DPYD: variants seen among roughly 807,000 people sequenced by gnomAD.
DPYD encodes the protein dihydropyrimidine dehydrogenase.
A neutral mutation model predicts 116.2 loss-of-function variants in DPYD; 109 were observed. The ratio of observed to expected loss-of-function variants is 0.94; its 90% CI spans 0.80 to 1.10. DPYD has a LOEUF of 1.10. Ranked by LOEUF, DPYD falls within the 50% of genes least tolerant of loss-of-function variation. The pLI is 0.00. For missense variants in DPYD, 1,302 were observed against 1,254.5 expected (o/e 1.04, Z -0.57); for synonymous variants, 440 against 432.0 (o/e 1.02, Z -0.23).
At chr1:97,689,740 C>T (rs1345571151) in intron 7 of DPYD, among the ~76,000 whole-genome samples, 4 of 151,962 alleles carry the variant, frequency 2.6e-5, no homozygotes, top group Admixed American at 6.6e-5. Context: ...TGAGCACAGA[C>T]CACTTTGTCA....
intron 8 of DPYD, among the ~76,000 whole-genome samples, chr1:97,635,666 G>A (rs554470472): frequency 6.6e-6 from 1 of 152,224 alleles, no homozygotes; most frequent in South Asian, 2.1e-4. Context: ...TGTCTATATT[G>A]TACATGTAGA....
chr1:97,509,925 A>G (rs1291027735), intron 13 of DPYD, among the ~76,000 whole-genome samples: 1 of 151,976 alleles, frequency 6.6e-6, no homozygotes, highest in Non-Finnish European at 1.5e-5. Flanking sequence ...TTAGTCCTTA[A>G]TAGATTCAAA....
At chr1:97,389,048 A>C (rs1346536248) in intron 14 of DPYD, among the ~76,000 whole-genome samples, 1 of 152,138 alleles carries the variant, frequency 6.6e-6, no homozygotes, top group Non-Finnish European at 1.5e-5. Flanking sequence ...CTTGGTGTCT[A>C]CATTTTCTTT....
intron 18 of DPYD, among the ~76,000 whole-genome samples, chr1:97,247,608 A>G (rs1430967390): frequency 6.6e-6 from 1 of 152,228 alleles, no homozygotes; most frequent in Non-Finnish European, 1.5e-5. Context: ...AAATAGAATA[A>G]AATAGAATAA....
At chr1:97,786,744 GTTAAC>G (rs1221652829) in intron 3 of DPYD, among the ~76,000 whole-genome samples, 1 of 152,208 alleles carries the variant, frequency 6.6e-6, no homozygotes, top group African/African-American at 2.4e-5. Flanking sequence ...AAGGCAATGA[GTTAAC>G]TTATGTTATC....
At chr1:97,792,331 T>A (rs1667363396) in intron 3 of DPYD, among the ~76,000 whole-genome samples, 1 of 151,988 alleles carries the variant, frequency 6.6e-6, no homozygotes, top group Non-Finnish European at 1.5e-5. Flanking sequence ...TGGAGTGCAG[T>A]GGTGCAAGCT....
At chr1:97,581,190 G>T (rs1381232187) in intron 10 of DPYD, among the ~76,000 whole-genome samples, 1 of 151,586 alleles carries the variant, frequency 6.6e-6, no homozygotes, top group Non-Finnish European at 1.5e-5. Flanking sequence ...TAGCTGGGGT[G>T]GTGGCGGGCG....
intron 18 of DPYD, among the ~76,000 whole-genome samples, chr1:97,260,109 T>G (rs1183853573): frequency 6.6e-6 from 1 of 152,136 alleles, no homozygotes; most frequent in South Asian, 2.1e-4. Context: ...TCTTCTGAAG[T>G]TGGCAACATG....
intron 14 of DPYD, among the ~76,000 whole-genome samples, chr1:97,449,744 C>G (rs1676298877): frequency 1.3e-5 from 2 of 152,240 alleles, no homozygotes; most frequent in Admixed American, 1.3e-4. Flanking sequence ...AGGTCATCAC[C>G]TTCATAAATA....
At chr1:97,203,912 T>C (rs141671567) in intron 19 of DPYD, among the ~76,000 whole-genome samples, 3 of 151,778 alleles carry the variant, frequency 2.0e-5, no homozygotes, top group Non-Finnish European at 2.9e-5. Context: ...AATTCAGTAG[T>C]TGGTGTGATA....
intron 14 of DPYD, among the ~76,000 whole-genome samples, chr1:97,449,789 T>A (rs1480368743): frequency 6.6e-6 from 1 of 152,222 alleles, no homozygotes; most frequent in African/African-American, 2.4e-5. Flanking sequence ...CTCAATAAAA[T>A]GAGTATTTCA....
intron 11 of DPYD, among the ~76,000 whole-genome samples, chr1:97,555,023 T>G (rs1438957558): frequency 1.3e-5 from 2 of 152,188 alleles, no homozygotes; most frequent in African/African-American, 4.8e-5. Context: ...GGTCATATAC[T>G]TGGACTGCTT....
At chr1:97,149,031 T>A (rs578248001) in intron 20 of DPYD, among the ~76,000 whole-genome samples, 2 of 152,214 alleles carry the variant, frequency 1.3e-5, no homozygotes, top group Non-Finnish European at 2.9e-5. Context: ...GGAATTAATC[T>A]CTATTGTACA....
chr1:97,469,680 A>G (rs760760961), intron 13 of DPYD, among the ~76,000 whole-genome samples: 2 of 152,202 alleles, frequency 1.3e-5, no homozygotes, highest in African/African-American at 2.4e-5. Flanking sequence ...GATACTAACC[A>G]TAACACCATA....
At chr1:97,358,486 A>T (rs1670538030) in intron 16 of DPYD, among the ~76,000 whole-genome samples, 1 of 152,194 alleles carries the variant, frequency 6.6e-6, no homozygotes, top group Admixed American at 6.5e-5. Context: ...CAGAGAAAGG[A>T]CAGGCTGCAT....
intron 18 of DPYD, among the ~76,000 whole-genome samples, chr1:97,263,433 T>C (rs931037150): frequency 7.2e-5 from 11 of 152,050 alleles, no homozygotes; most frequent in African/African-American, 2.4e-4. Context: ...ACAAATGTAA[T>C]ACAGATGAGA....
chr1:97,143,737 T>C (rs1654400102), intron 20 of DPYD, among the ~76,000 whole-genome samples: 1 of 152,194 alleles, frequency 6.6e-6, no homozygotes, highest in Non-Finnish European at 1.5e-5. Flanking sequence ...ACACTTTTAG[T>C]GTCTGAGGTG....
chr1:97,528,666 T>C (rs1346829113), intron 12 of DPYD, among the ~76,000 whole-genome samples: 1 of 152,162 alleles, frequency 6.6e-6, no homozygotes, highest in African/African-American at 2.4e-5. Flanking sequence ...CCATCAAGCT[T>C]GTTAAAACCT....
chr1:97,735,774 G>GA (rs911361500), intron 4 of DPYD, among the ~76,000 whole-genome samples: 1 of 151,058 alleles, frequency 6.6e-6, no homozygotes, highest in Admixed American at 6.6e-5. Context: ...TGGCAGATTA[G>GA]AAAAAAAGCA....
Sources: allele counts gnomAD v4.1 joint callset (sites outside exome capture counted in the v4.1 genomes callset), GRCh38; gene constraint gnomAD v4.1.1; transcripts MANE v1.5; gene names NCBI Gene and HGNC (gene_info 2026-07-23, HGNC 2026-07-21).